Variants in RASGRP1 observed in about 807,000 individuals in gnomAD.
The protein encoded by RASGRP1 is RAS guanyl releasing protein 1.
Under a neutral mutation model 95.1 loss-of-function variants are expected in RASGRP1, and 37 were observed. The ratio of observed to expected loss-of-function variants is 0.39; its 90% CI spans 0.30 to 0.51. The LOEUF (loss-of-function observed/expected upper bound fraction) is 0.51, where lower values mean the gene tolerates loss of function less well. RASGRP1 is among the 20% of genes least tolerant of loss of function. The pLI is 0.80. For missense variants in RASGRP1, 711 were observed against 965.4 expected (o/e 0.74, Z 3.49); for synonymous variants, 325 against 353.4 (o/e 0.92, Z 0.90).
chr15:38,498,774 T>C lies in RASGRP1; in HGVS notation c.1873+20A>G, dbSNP rs1243354569. On this transcript the variant is annotated intron_variant, in intron 15 of 16. Coordinates refer to ENST00000310803, the MANE Select transcript of RASGRP1 (RefSeq NM_005739.4). ...TTCCTACTTCACTTTCCAAGATGAA[T>C]GTTCCCAGTGCCTACTTACCATGGA... The C allele has an allele frequency of 6.2e-7, 1 of 1,605,708 alleles. No individual in the cohort carries two copies. The highest frequency in any genetic ancestry group is 1.3e-5 in the African/African-American group (1 of 74,418).
chr15:38,514,286 G>T (rs918219189), intron 6 of RASGRP1, among the ~76,000 whole-genome samples: 3 of 152,010 alleles, frequency 2.0e-5, no homozygotes, highest in East Asian at 1.9e-4. Flanking sequence ...GACCAAAATC[G>T]CTCCTTAAGA....
At chr15:38,538,642 C>T (rs1156657787) in intron 2 of RASGRP1, among the ~76,000 whole-genome samples, 1 of 152,162 alleles carries the variant, frequency 6.6e-6, no homozygotes, top group Non-Finnish European at 1.5e-5. Flanking sequence ...CAAGTTTACA[C>T]AGCTAGTAAG....
At chr15:38,551,130 C>T (rs1893324454) in intron 2 of RASGRP1, among the ~76,000 whole-genome samples, 1 of 152,076 alleles carries the variant, frequency 6.6e-6, no homozygotes. Flanking sequence ...ACCACAAAGT[C>T]TATGTAAGAA....
rs1351652560 is a variant in RASGRP1, at chr15:38,534,383, C to T, written c.221-7979G>A. 2.0e-5 allele frequency: 3 copies of T among 151,310 alleles called. No individual in the cohort carries two copies. In the East Asian group the frequency reaches 5.8e-4, roughly 29 times the overall value. 9.4% of individuals were successfully genotyped at this position (151,310 alleles called of 1,614,324 possible). A position where few individuals can be genotyped will look rare whatever the true frequency, so the allele number is the denominator to read the frequency against. The stretch of plus-strand genomic sequence containing the variant: ...TAACCTGGTATGTCATACCCTGGCC[C>T]ACATAGGACAGCCTGCCATATAGTT... On this transcript the variant is annotated intron_variant, in intron 2 of 16. Coordinates refer to ENST00000310803, the MANE Select transcript of RASGRP1 (RefSeq NM_005739.4).
chr15:38,549,559 T>C (rs1656922225), intron 2 of RASGRP1, among the ~76,000 whole-genome samples: 1 of 152,214 alleles, frequency 6.6e-6, no homozygotes, highest in Non-Finnish European at 1.5e-5. Context: ...CTGGCAAAGA[T>C]ATACCTTTGA....
At chr15:38,518,199 T>C in intron 5 of RASGRP1, 93 bp downstream of exon 5, 1 of 1,233,672 alleles carries the variant, frequency 8.1e-7, no homozygotes. Flanking sequence ...AGAGCAGCAG[T>C]CACCGCTGGG....
Position 38,501,178 on chromosome 15 carries a change from G to T in RASGRP1, c.1648C>A (p.Leu550Met), listed in dbSNP as rs1401637524. 11 of 1,611,942 alleles carry T rather than the reference G, an allele frequency of 6.8e-6. No individual in the cohort carries two copies. The highest frequency in any genetic ancestry group is 8.5e-6 in the Non-Finnish European group (10 of 1,178,974). Residue 550 changes from leucine (L) to methionine (M), a missense_variant, in exon 13 of 17, where the codon CTG becomes ATG. Transcript: ENST00000310803. ...FPHNFQETTYLKPTFCDNCAG... is the reference protein window; with the variant it reads ...FPHNFQETTYMKPTFCDNCAG... ...CAGTTGTCACAAAAAGTGGGCTTCAGGTAGGTGGTCTCTTGGAAGTTGTGA... is the reference window on the plus strand; with the variant it reads ...CAGTTGTCACAAAAAGTGGGCTTCATGTAGGTGGTCTCTTGGAAGTTGTGA...
intron 10 of RASGRP1, chr15:38,504,178 T>C (rs1891158207): frequency 6.6e-6 from 1 of 152,156 alleles, no homozygotes; most frequent in Non-Finnish European, 1.5e-5. Flanking sequence ...AAGTCGTGAG[T>C]GGTGAGTGAA....
intron 1 of RASGRP1, among the ~76,000 whole-genome samples, chr15:38,560,745 C>A (rs1218461139): frequency 1.3e-5 from 2 of 152,154 alleles, no homozygotes; most frequent in Admixed American, 6.5e-5. Flanking sequence ...TACTAAACAT[C>A]GTTTTTTCAA....
chr15:38,508,245 T>G (rs35722146), intron 8 of RASGRP1, among the ~76,000 whole-genome samples: 1 of 152,018 alleles, frequency 6.6e-6, no homozygotes, highest in South Asian at 2.1e-4. Flanking sequence ...ACTTAAACAT[T>G]ATAAATCGGG....
chr15:38,559,747 T>C, intron 2 of RASGRP1, 74 bp downstream of exon 2: 1 of 1,441,786 alleles, frequency 6.9e-7, no homozygotes, highest in South Asian at 1.3e-5. Flanking sequence ...AGATTGCTGT[T>C]CCGTAAAGCA....
intron 2 of RASGRP1, among the ~76,000 whole-genome samples, chr15:38,542,862 C>CACATATATGTGTATATATATAT (rs1892941889): frequency 1.3e-5 from 1 of 77,496 alleles, no homozygotes; most frequent in African/African-American, 4.1e-5. Context: ...TATATATATA[C>CACATATATGTGTATATATATAT]ACATATATGT....
intron 2 of RASGRP1, among the ~76,000 whole-genome samples, chr15:38,543,494 A>T (rs1392137242): frequency 6.6e-6 from 1 of 151,024 alleles, no homozygotes; most frequent in Non-Finnish European, 1.5e-5. Context: ...TTCTTTTTCA[A>T]GATTCTGGTT....
chr15:38,564,563 G>A lies in RASGRP1; in HGVS notation c.35+31C>T, dbSNP rs934307308. The A allele has an allele frequency of 1.3e-5, 18 of 1,360,844 alleles. No individual in the cohort carries two copies. In the East Asian group the frequency reaches 4.6e-4, roughly 35 times the overall value. The allele number at this position is 1,360,844 out of a possible 1,614,324, so 84.3% of individuals were successfully genotyped here. The stretch of plus-strand genomic sequence containing the variant: ...CTCTTTCCCAAGAAAGGACACAGGC[G>A]CTCCCGAGGGCCACGGCCGCCTCTA... On this transcript the variant is annotated intron_variant, in intron 1 of 16. Transcript: ENST00000310803.
At chr15:38,513,094 C>G in intron 6 of RASGRP1, 138 bp from the exon 7 acceptor site, 1 of 843,122 alleles carries the variant, frequency 1.2e-6, no homozygotes, top group South Asian at 2.9e-5. Flanking sequence ...TCCTGGTGCT[C>G]TTCTGCATCT....
chr15:38,511,774 G>C (rs914419167), intron 7 of RASGRP1, 54 bp from the exon 8 acceptor site: 2 of 1,412,078 alleles, frequency 1.4e-6, no homozygotes, highest in African/African-American at 2.8e-5. Context: ...CAGTTATATG[G>C]GGAGCTTAGA....
chr15:38,493,162 G>T (rs1187790473), intron 16 of RASGRP1, among the ~76,000 whole-genome samples: 2 of 148,676 alleles, frequency 1.3e-5, no homozygotes, highest in African/African-American at 4.9e-5. Flanking sequence ...TAACAGGCGT[G>T]AGCCACCACG....
chr15:38,546,757 T>C (rs1893121749), intron 2 of RASGRP1, among the ~76,000 whole-genome samples: 1 of 152,158 alleles, frequency 6.6e-6, no homozygotes, highest in Non-Finnish European at 1.5e-5. Flanking sequence ...TATTTTAACT[T>C]TTGGAAAGTT....
intron 1 of RASGRP1, among the ~76,000 whole-genome samples, chr15:38,560,599 A>C (rs1893764212): frequency 6.6e-6 from 1 of 152,236 alleles, no homozygotes; most frequent in Non-Finnish European, 1.5e-5. Context: ...TGAGGACTCA[A>C]GTGCAGGAAG....
Sources: allele counts gnomAD v4.1 joint callset (sites outside exome capture counted in the v4.1 genomes callset), GRCh38; gene constraint gnomAD v4.1.1; transcripts MANE v1.5; gene names NCBI Gene and HGNC (gene_info 2026-07-23, HGNC 2026-07-21).